The following AGR3 variants were observed in gnomAD, a reference collection of about 807,000 sequenced individuals.
AGR3 encodes the protein anterior gradient protein 3.
A neutral mutation model predicts 24.5 loss-of-function variants in AGR3; 37 were observed. That is an observed-to-expected ratio of 1.51 (90% CI 1.16 to 1.99). The LOEUF is 1.99. AGR3 is among the 30% of genes most tolerant of loss of function. The pLI is 0.00. For missense variants in AGR3, 228 were observed against 191.1 expected, an observed-to-expected ratio of 1.19 and a Z score of -1.14; for synonymous variants, 75 against 61.6, an observed-to-expected ratio of 1.22 and a Z score of -1.02.
chr7:16,877,967 G>A (rs1031083635), intron 2 of AGR3, among the ~76,000 whole-genome samples: 18 of 151,796 alleles, frequency 1.2e-4, no homozygotes, highest in African/African-American at 4.1e-4. Flanking sequence ...AAAAAGAAAT[G>A]TTTCTAAACA....
At chr7:16,873,746 TAAAA>T in intron 3 of AGR3, 30 bp downstream of exon 3, 6 of 1,513,750 alleles carry the variant, frequency 4.0e-6, no homozygotes, top group Non-Finnish European at 3.7e-6. Context: ...CTACTACAAA[TAAAA>T]GGAAAAAAAT....
At chr7:16,880,618 C>T (rs762453735) in intron 1 of AGR3, among the ~76,000 whole-genome samples, 6 of 145,502 alleles carry the variant, frequency 4.1e-5, no homozygotes, top group Non-Finnish European at 9.0e-5. Flanking sequence ...TCTTTCCAGG[C>T]ATATAAAAAC....
At chr7:16,855,819 C>G (rs570547420), downstream of AGR3, among the ~76,000 whole-genome samples, 8 of 152,258 alleles carry the variant, frequency 5.3e-5, no homozygotes, top group African/African-American at 1.9e-4. Flanking sequence ...AAGTACGCTT[C>G]CCTGAGGCTT....
chr7:16,868,089 T>C (rs1347330511), intron 3 of AGR3, among the ~76,000 whole-genome samples: 1 of 152,162 alleles, frequency 6.6e-6, no homozygotes, highest in African/African-American at 2.4e-5. Flanking sequence ...TTCATTGTGG[T>C]ATTAATTTGC....
At chr7:16,866,810 G>A (rs961691919) in intron 3 of AGR3, among the ~76,000 whole-genome samples, 4 of 151,878 alleles carry the variant, frequency 2.6e-5, no homozygotes, top group Non-Finnish European at 2.9e-5. Context: ...ATAGGAGTAC[G>A]TTGTATATTA....
At chr7:16,870,431 G>T (rs779809787) in intron 3 of AGR3, among the ~76,000 whole-genome samples, 16 of 151,826 alleles carry the variant, frequency 1.1e-4, no homozygotes, top group Non-Finnish European at 2.1e-4. Context: ...GTTAGTAATT[G>T]TTGTGGTTGT....
chr7:16,880,204 A>G (rs1400054079), intron 1 of AGR3, among the ~76,000 whole-genome samples: 1 of 122,402 alleles, frequency 8.2e-6, no homozygotes, highest in Non-Finnish European at 1.6e-5. Context: ...CTTGTCACCC[A>G]GGCTGGAGTG....
chr7:16,881,797 C>A, intron 1 of AGR3, 147 bp downstream of exon 1: 1 of 357,952 alleles, frequency 2.8e-6, no homozygotes, highest in South Asian at 2.3e-5. Flanking sequence ...CAAAGGAAAT[C>A]CAGTTCAGTA....
Position 16,861,435 on chromosome 7 carries a change from C to T in AGR3, c.316G>A (p.Asp106Asn). 6.2e-7 allele frequency: 1 copy of T among 1,610,338 alleles called. No homozygotes were observed. The highest frequency in any genetic ancestry group is 1.7e-4 in the Middle Eastern group (1 of 6,032). ...TGCCCATCAGGTGATAAATTCTTAT[C>T]AGTGGTTTCATGCTAGCAGGAGAAG... ...IMLNLMHETT[D>N]KNLSPDGQYV... The change falls in exon 6 of 8, where the codon GAT becomes AAT. Residue 106 changes from aspartate (D) to asparagine (N), a missense_variant. Coordinates refer to ENST00000310398, the MANE Select transcript of AGR3 (RefSeq NM_176813.5).
At chr7:16,856,663 A>G (rs1037115591), downstream of AGR3, among the ~76,000 whole-genome samples, 1 of 152,236 alleles carries the variant, frequency 6.6e-6, no homozygotes, top group African/African-American at 2.4e-5. Flanking sequence ...CTGCATTAAA[A>G]TGCTTTGCAC....
At chr7:16,864,499 C>T in intron 3 of AGR3, 1 of 1,263,658 alleles carries the variant, frequency 7.9e-7, no homozygotes, top group Non-Finnish European at 1.2e-6. Context: ...TCCATGTTCC[C>T]TGTCAGTCAG....
chr7:16,864,996 T>C (rs1781727617), intron 3 of AGR3: 3 of 967,202 alleles, frequency 3.1e-6, no homozygotes, highest in Admixed American at 3.4e-5. Context: ...ACATTTCTAC[T>C]ACCTCCTCAG....
intron 1 of AGR3, among the ~76,000 whole-genome samples, chr7:16,879,436 C>A (rs2115319337): frequency 6.6e-6 from 1 of 152,280 alleles, no homozygotes; most frequent in East Asian, 1.9e-4. Context: ...TGGTCATAAA[C>A]CACTTGATAA....
At chr7:16,876,044 A>T (rs1482500423) in intron 2 of AGR3, among the ~76,000 whole-genome samples, 1 of 152,206 alleles carries the variant, frequency 6.6e-6, no homozygotes, top group African/African-American at 2.4e-5. Context: ...TTAGTTCCAC[A>T]AACAGTAAAG....
intron 3 of AGR3, among the ~76,000 whole-genome samples, chr7:16,863,646 T>TA (rs1277798981): frequency 2.0e-5 from 3 of 152,016 alleles, no homozygotes; most frequent in Admixed American, 6.5e-5. Context: ...TATTTCTTTT[T>TA]AAAAAACAAA....
intron 3 of AGR3, among the ~76,000 whole-genome samples, chr7:16,870,234 G>T (rs1274938875): frequency 6.6e-6 from 1 of 151,802 alleles, no homozygotes; most frequent in Non-Finnish European, 1.5e-5. Context: ...ATATATAAAT[G>T]CAGTCAATTT....
At chr7:16,875,473 T>G (rs1381927972) in intron 2 of AGR3, among the ~76,000 whole-genome samples, 4 of 152,198 alleles carry the variant, frequency 2.6e-5, no homozygotes, top group Non-Finnish European at 4.4e-5. Flanking sequence ...ATTATTCCAT[T>G]GTATGAATAT....
intron 3 of AGR3, 166 bp downstream of exon 3, chr7:16,873,614 A>G (rs1039516999): frequency 3.3e-6 from 2 of 600,762 alleles, no homozygotes; most frequent in Admixed American, 5.9e-5. Flanking sequence ...TGTTCCCACC[A>G]GAAAGAAATG....
chr7:16,855,011 C>A (rs1280825972), downstream of AGR3, among the ~76,000 whole-genome samples: 1 of 152,150 alleles, frequency 6.6e-6, no homozygotes, highest in South Asian at 2.1e-4. Context: ...ATTTAATTGA[C>A]ACATAATAAT....
Sources: allele counts gnomAD v4.1 joint callset (sites outside exome capture counted in the v4.1 genomes callset), GRCh38; gene constraint gnomAD v4.1.1; transcripts MANE v1.5; gene names NCBI Gene and HGNC (gene_info 2026-07-23, HGNC 2026-07-21).